UGGT2: variants seen among roughly 807,000 people sequenced by gnomAD.
UGGT2 encodes the protein UDP-glucose glycoprotein glucosyltransferase 2.
A neutral mutation model predicts 192.1 loss-of-function variants in UGGT2; 180 were observed. That is an observed-to-expected ratio of 0.94 (90% CI 0.83 to 1.06). The LOEUF (loss-of-function observed/expected upper bound fraction) is 1.06. Among genes scored for constraint, UGGT2 ranks in the 50% least tolerant of loss-of-function variants. The probability of loss-of-function intolerance (pLI) is 0.00; values close to 1 mark genes in which losing one functional copy is unlikely to be tolerated. For synonymous variants in UGGT2, 580 were observed against 591.0 expected (o/e 0.98, Z 0.27); for missense variants, 1,849 against 1,795.7 (o/e 1.03, Z -0.54).
chr13:95,989,465 A>G, intron 8 of UGGT2: 1 of 236,052 alleles, frequency 4.2e-6, no homozygotes, highest in South Asian at 4.0e-5. Flanking sequence ...AACCAAATCA[A>G]ATTTTGTTCA....
chr13:95,949,366 A>G lies in UGGT2; in HGVS notation c.1424T>C (p.Val475Ala). 1.9e-6 allele frequency: 3 copies of G among 1,579,610 alleles called. No individual in the cohort carries two copies. The highest frequency in any genetic ancestry group is 2.6e-6 in the Non-Finnish European group (3 of 1,161,958). ...KLLKPVFPGS[V>A]PSIRRNFHNL... ...ATGAAAATTGCGCCTTATGGAAGGT[A>G]CACTTCCAGGAAATACTGGCTTCAG... The change falls in exon 13 of 39, where the codon GTA (valine) becomes GCA (alanine). Residue 475 changes from valine (V) to alanine (A), a missense_variant. Coordinates refer to ENST00000376747, the MANE Select transcript of UGGT2 (RefSeq NM_020121.4).
intron 36 of UGGT2, among the ~76,000 whole-genome samples, chr13:95,838,462 G>C (rs1887531992): frequency 6.6e-6 from 1 of 151,998 alleles, no homozygotes; most frequent in African/African-American, 2.4e-5. Flanking sequence ...CTAAAGTTTA[G>C]GGAAAAAGGA....
At chr13:95,901,001 G>T in intron 21 of UGGT2, 63 bp from the exon 22 acceptor site, 2 of 1,196,430 alleles carry the variant, frequency 1.7e-6, no homozygotes, top group Non-Finnish European at 2.1e-6. Context: ...AAATCATTTT[G>T]TTTAAAAAAC....
chr13:95,838,617 T>C (rs1395205356), intron 36 of UGGT2, among the ~76,000 whole-genome samples: 3 of 152,066 alleles, frequency 2.0e-5, no homozygotes, highest in Non-Finnish European at 4.4e-5. Flanking sequence ...TGGAACACAA[T>C]AAAGAGCCCA....
chr13:95,940,764 T>G (rs560413207), intron 15 of UGGT2, among the ~76,000 whole-genome samples: 2 of 149,240 alleles, frequency 1.3e-5, no homozygotes, highest in Admixed American at 6.8e-5. Context: ...TAAATTTTTT[T>G]GTATTTTTTG....
intron 34 of UGGT2, 129 bp downstream of exon 34, chr13:95,856,029 A>G (rs1854929466): frequency 1.4e-6 from 1 of 721,662 alleles, no homozygotes; most frequent in Admixed American, 3.8e-5. Flanking sequence ...CTTTGCTTAT[A>G]TATCACAATC....
intron 36 of UGGT2, among the ~76,000 whole-genome samples, chr13:95,847,974 T>A (rs1594138273): frequency 6.6e-6 from 1 of 152,234 alleles, no homozygotes; most frequent in African/African-American, 2.4e-5. Flanking sequence ...TTTGGTGTTG[T>A]CAGTATTCTG....
At chr13:96,009,782 T>G (rs1342787759) in intron 5 of UGGT2, among the ~76,000 whole-genome samples, 1 of 152,156 alleles carries the variant, frequency 6.6e-6, no homozygotes, top group Non-Finnish European at 1.5e-5. Flanking sequence ...CACTCCAGCC[T>G]GGCGATAGAG....
At chr13:95,929,871 AAAGGGG>A (rs2049183633) in intron 17 of UGGT2, among the ~76,000 whole-genome samples, 1 of 152,218 alleles carries the variant, frequency 6.6e-6, no homozygotes, top group Non-Finnish European at 1.5e-5. Context: ...ACTGCTTTCC[AAAGGGG>A]CTGAACTAAT....
intron 4 of UGGT2, among the ~76,000 whole-genome samples, chr13:96,016,082 G>T (rs1001837598): frequency 6.6e-6 from 1 of 152,180 alleles, no homozygotes; most frequent in African/African-American, 2.4e-5. Flanking sequence ...AAGAAATTTC[G>T]AAGCAGCAAA....
At chr13:96,050,135 T>C (rs1313172481) in intron 1 of UGGT2, among the ~76,000 whole-genome samples, 4 of 152,192 alleles carry the variant, frequency 2.6e-5, no homozygotes, top group Non-Finnish European at 4.4e-5. Context: ...AATAGAGATA[T>C]AGACCAATGG....
At chr13:95,921,646 A>C (rs2048849043) in intron 20 of UGGT2, among the ~76,000 whole-genome samples, 1 of 152,192 alleles carries the variant, frequency 6.6e-6, no homozygotes, top group African/African-American at 2.4e-5. Flanking sequence ...ACTTCTAAGA[A>C]GACATACAAG....
chr13:96,018,193 G>A lies in UGGT2; in HGVS notation c.486-4712C>T, dbSNP rs549200054. 9.9e-5 allele frequency among the ~76,000 whole-genome samples: 15 copies of A among 152,164 alleles called. 1 individual carries two copies. The highest frequency in any genetic ancestry group is 3.6e-4 in the African/African-American group (15 of 41,520). ...GTTCAAAAATCTATGGTCTGGAACT[G>A]CCCCAAAACTTTATAGACATAATAC... On this transcript the variant is annotated intron_variant, in intron 4 of 38. Coordinates refer to ENST00000376747, the MANE Select transcript of UGGT2 (RefSeq NM_020121.4).
chr13:95,997,701 C>A (rs558376688), intron 6 of UGGT2, among the ~76,000 whole-genome samples: 11 of 152,068 alleles, frequency 7.2e-5, no homozygotes, highest in African/African-American at 2.7e-4. Context: ...GTGAAGACAG[C>A]GGTAGGCAAA....
In UGGT2 at chr13:95,948,064, CG is replaced by C. The variant is rs1566742198; in HGVS notation, c.1472del (p.Pro491ArgfsTer10). On this transcript the variant is annotated frameshift_variant, in exon 14 of 39. Transcript: ENST00000376747. LOFTEE classifies it high-confidence loss of function. ...TAAAATCCAAGGTATATTCTTGGGC[CG>C]GATCAATAAACAGAACCTAAAAGAA... ...NFHNLVLFID[P>X]AQEYTLDFIK... The C allele has an allele frequency of 6.2e-7, 1 of 1,612,448 alleles. No homozygotes were observed. The highest frequency in any genetic ancestry group is 1.1e-5 in the South Asian group (1 of 90,952).
At chr13:96,024,502 C>T (rs2052606625) in intron 2 of UGGT2, among the ~76,000 whole-genome samples, 1 of 152,192 alleles carries the variant, frequency 6.6e-6, no homozygotes, top group African/African-American at 2.4e-5. Context: ...TCTGTCTGTG[C>T]CCTTTTCCTT....
At chr13:95,938,381 T>C (rs931106981) in intron 16 of UGGT2, among the ~76,000 whole-genome samples, 27 of 152,188 alleles carry the variant, frequency 1.8e-4, no homozygotes, top group African/African-American at 6.5e-4. Context: ...ATACTAAGTA[T>C]TATCATTATT....
intron 20 of UGGT2, among the ~76,000 whole-genome samples, chr13:95,915,738 CAAGG>C (rs2048661139): frequency 6.6e-6 from 1 of 152,128 alleles, no homozygotes; most frequent in Non-Finnish European, 1.5e-5. Flanking sequence ...ACAGTCCAGA[CAAGG>C]AAGGTTCCCC....
chr13:96,009,763 G>A (rs1408643381), intron 5 of UGGT2, among the ~76,000 whole-genome samples: 4 of 152,224 alleles, frequency 2.6e-5, no homozygotes, highest in East Asian at 3.9e-4. Context: ...AGCCGAGATC[G>A]CGCCACTGCA....
Sources: gnomAD v4.1 joint callset for allele counts (sites outside exome capture counted in the v4.1 genomes callset) on GRCh38, gnomAD v4.1.1 for gene constraint, MANE v1.5 for transcripts, NCBI Gene and HGNC (gene_info 2026-07-23, HGNC 2026-07-21) for gene names.